IGF2BP2: variants seen among roughly 807,000 people sequenced by gnomAD.
IGF2BP2 encodes the protein insulin-like growth factor 2 mRNA-binding protein 2.
Under a neutral mutation model 75.8 loss-of-function variants are expected in IGF2BP2, and 17 were observed. That is an observed-to-expected ratio of 0.22 (90% CI 0.15 to 0.34). The LOEUF is 0.34. Among genes scored for constraint, IGF2BP2 ranks in the 10% least tolerant of loss-of-function variants. The pLI is 1.00. For synonymous variants in IGF2BP2, 288 were observed against 295.6 expected (o/e 0.97, Z 0.26); for missense variants, 516 against 772.4 (o/e 0.67, Z 3.93).
At chr3:185,741,177 A>G (rs75101776) in intron 2 of IGF2BP2, among the ~76,000 whole-genome samples, 7,695 of 152,160 alleles carry the variant, frequency 0.051, 268 homozygotes, top group Non-Finnish European at 0.071. Context: ...CCGGCCGCAT[A>G]TTTCCTTCTT....
At chr3:185,817,851 T>C (rs1172077543) in intron 2 of IGF2BP2, among the ~76,000 whole-genome samples, 1 of 152,174 alleles carries the variant, frequency 6.6e-6, no homozygotes, top group Non-Finnish European at 1.5e-5. Flanking sequence ...TCTGGGGGCA[T>C]GTTTTGTTAA....
intron 2 of IGF2BP2, among the ~76,000 whole-genome samples, chr3:185,713,992 C>G (rs1725215766): frequency 6.6e-6 from 1 of 152,204 alleles, no homozygotes. Context: ...TGAGCCACCA[C>G]GTCTAGCCCA....
At chr3:185,707,163 T>C (rs746352154) in intron 2 of IGF2BP2, among the ~76,000 whole-genome samples, 39 of 148,182 alleles carry the variant, frequency 2.6e-4, no homozygotes, top group South Asian at 2.2e-4. Flanking sequence ...AGGTGGAGGC[T>C]GCGGTGAGCC....
At chr3:185,648,463 C>T (rs1045401298) in intron 14 of IGF2BP2, among the ~76,000 whole-genome samples, 2 of 51,356 alleles carry the variant, frequency 3.9e-5, no homozygotes, top group Non-Finnish European at 8.2e-5. Context: ...AACTCTGTCT[C>T]AAAAAAAAAA....
In IGF2BP2 at chr3:185,737,797, C is replaced by T. The variant is rs114592449; in HGVS notation, c.240-39450G>A. 4.4e-3 allele frequency among the ~76,000 whole-genome samples: 671 copies of T among 152,268 alleles called. 4 individuals are homozygous for T. The highest frequency in any genetic ancestry group is 0.016 in the African/African-American group (645 of 41,538). ...CCTCGAGAAGTTATGATGGTCATCC[C>T]CAGTTCTTAGACACTCAGTACTTGG... On this transcript the variant is annotated intron_variant, in intron 2 of 15. Coordinates refer to ENST00000382199, the MANE Select transcript of IGF2BP2 (RefSeq NM_006548.6).
chr3:185,738,407 A>G (rs1461347776), intron 2 of IGF2BP2, among the ~76,000 whole-genome samples: 5 of 152,198 alleles, frequency 3.3e-5, no homozygotes, highest in African/African-American at 1.2e-4. Context: ...GAGAACATGA[A>G]AAGTATAAAA....
At chr3:185,712,279 T>C (rs1170776041) in intron 2 of IGF2BP2, among the ~76,000 whole-genome samples, 2 of 152,220 alleles carry the variant, frequency 1.3e-5, no homozygotes, top group Non-Finnish European at 2.9e-5. Context: ...TAATCAATCA[T>C]AAATACTTAT....
intron 2 of IGF2BP2, among the ~76,000 whole-genome samples, chr3:185,751,126 C>A (rs1453768611): frequency 2.6e-5 from 4 of 152,200 alleles, no homozygotes; most frequent in Non-Finnish European, 5.9e-5. Flanking sequence ...GGCACAAGAA[C>A]CACTTGAACC....
intron 2 of IGF2BP2, among the ~76,000 whole-genome samples, chr3:185,802,083 T>C (rs1738364332): frequency 6.6e-6 from 1 of 151,992 alleles, no homozygotes; most frequent in Admixed American, 6.6e-5. Context: ...AAAACCTAGA[T>C]GACGGGTTGA....
chr3:185,748,973 G>GGCCAAGATGGTGA (rs1247065127), intron 2 of IGF2BP2, among the ~76,000 whole-genome samples: 15 of 152,156 alleles, frequency 9.9e-5, no homozygotes, highest in African/African-American at 3.6e-4. Flanking sequence ...AGACCAGCCT[G>GGCCAAGATGGTGA]GCCAAGATGG....
At chr3:185,816,743 T>C (rs115936942) in intron 2 of IGF2BP2, among the ~76,000 whole-genome samples, 1 of 152,350 alleles carries the variant, frequency 6.6e-6, no homozygotes, top group African/African-American at 2.4e-5. Context: ...ATAAATGAAA[T>C]AATGTGTCAA....
chr3:185,782,900 G>A (rs1735390088), intron 2 of IGF2BP2, among the ~76,000 whole-genome samples: 1 of 152,132 alleles, frequency 6.6e-6, no homozygotes, highest in Non-Finnish European at 1.5e-5. Context: ...AAAGTCTTGT[G>A]GTGGTTATTG....
chr3:185,680,859 T>C (rs1231719569), intron 7 of IGF2BP2, among the ~76,000 whole-genome samples: 1 of 152,158 alleles, frequency 6.6e-6, no homozygotes, highest in African/African-American at 2.4e-5. Flanking sequence ...GATCATGTCA[T>C]TAGAAAAAGC....
At chr3:185,651,088 T>C (rs1714522905) in intron 13 of IGF2BP2, among the ~76,000 whole-genome samples, 1 of 152,148 alleles carries the variant, frequency 6.6e-6, no homozygotes, top group African/African-American at 2.4e-5. Flanking sequence ...TAAAATTTTT[T>C]TTGTAGAGAT....
intron 12 of IGF2BP2, among the ~76,000 whole-genome samples, chr3:185,653,489 C>T (rs111532420): frequency 0.012 from 1,753 of 152,002 alleles, 17 homozygotes; most frequent in Non-Finnish European, 0.019. Flanking sequence ...GGAGTGGTGG[C>T]GCGTGCCTGC....
chr3:185,824,835 GA>G lies in IGF2BP2; in HGVS notation c.125del (p.Phe42SerfsTer38). On this transcript the variant is annotated frameshift_variant, in exon 1 of 16. Transcript: ENST00000382199. LOFTEE classifies it high-confidence loss of function. ...GQVLLKSGYA[F>X]VDYPDQNWAI... ...CCCAGTTCTGGTCGGGGTAGTCCAC[GA>G]AGGCGTAGCCGGACTTCAGCAGGAC... 1 of 1,537,494 alleles carries G rather than the reference GA, an allele frequency of 6.5e-7. No individual in the cohort carries two copies. The highest frequency in any genetic ancestry group is 1.4e-5 in the African/African-American group (1 of 71,642).
At chr3:185,685,164 G>A (rs1577962569) in intron 7 of IGF2BP2, among the ~76,000 whole-genome samples, 2 of 151,926 alleles carry the variant, frequency 1.3e-5, no homozygotes, top group African/African-American at 4.8e-5. Flanking sequence ...CCTGGGCAAC[G>A]TGGTTAAACC....
At chr3:185,743,897 T>C (rs1204423097) in intron 2 of IGF2BP2, among the ~76,000 whole-genome samples, 3 of 152,128 alleles carry the variant, frequency 2.0e-5, no homozygotes, top group African/African-American at 4.8e-5. Context: ...CCGCACAAAA[T>C]GTAGGAAAGA....
rs1390988169 is a variant in IGF2BP2, at chr3:185,647,887, T to C, written c.1594-749A>G. On this transcript the variant is annotated intron_variant, in intron 14 of 15. Coordinates refer to ENST00000382199, the MANE Select transcript of IGF2BP2 (RefSeq NM_006548.6). The surrounding 1 kb of genome is among the most constrained non-coding windows in gnomAD (Gnocchi z 4.9). ...TTCAGCATGTGCTTTAGGGGAAACCTGAAAGTCTGGAGGATGCAGAGAATT... is the reference window on the plus strand; with the variant it reads ...TTCAGCATGTGCTTTAGGGGAAACCCGAAAGTCTGGAGGATGCAGAGAATT... Among the ~76,000 whole-genome samples the C allele has an allele frequency of 6.6e-6, 1 of 152,218 alleles. No individual in the cohort carries two copies. The highest frequency in any genetic ancestry group is 1.5e-5 in the Non-Finnish European group (1 of 68,030).
Sources: allele counts gnomAD v4.1 joint callset (sites outside exome capture counted in the v4.1 genomes callset), GRCh38; gene constraint gnomAD v4.1.1; non-coding constraint Gnocchi (gnomAD v3.1); transcripts MANE v1.5; gene names NCBI Gene and HGNC (gene_info 2026-07-23, HGNC 2026-07-21).